Variants in RBFOX1 observed in about 807,000 individuals in gnomAD.
The protein encoded by RBFOX1 is RNA binding fox-1 homolog 1, also known as RNA binding protein fox-1 homolog 1.
In RBFOX1, 8 loss-of-function variants were observed where a neutral mutation model predicts 57.7. The ratio of observed to expected loss-of-function variants is 0.14; its 90% CI spans 0.08 to 0.25. The LOEUF (loss-of-function observed/expected upper bound fraction) is 0.25, where lower values mean the gene tolerates loss of function less well. RBFOX1 is among the 10% of genes least tolerant of loss of function. RBFOX1 has a pLI of 1.00. For missense variants in RBFOX1, 611 were observed against 548.5 expected, an observed-to-expected ratio of 1.11 and a Z score of -1.14; for synonymous variants, 326 against 222.4, an observed-to-expected ratio of 1.47 and a Z score of -4.15.
chr16:6,490,719 G>A (rs997684740), intron 2 of RBFOX1, among the ~76,000 whole-genome samples: 1 of 152,128 alleles, frequency 6.6e-6, no homozygotes, highest in Non-Finnish European at 1.5e-5. Flanking sequence ...CTCAAAAAGG[G>A]CTGTTGAGCT....
At chr16:5,612,127 C>T (rs573158179) in intron 3 of RBFOX1, among the ~76,000 whole-genome samples, 1 of 151,528 alleles carries the variant, frequency 6.6e-6, no homozygotes, top group South Asian at 2.1e-4. Flanking sequence ...ATCTACTCTC[C>T]CATAATTCCT....
At chr16:5,654,925 A>G (rs1199517596) in intron 3 of RBFOX1, among the ~76,000 whole-genome samples, 2 of 151,862 alleles carry the variant, frequency 1.3e-5, no homozygotes, top group South Asian at 2.1e-4. Context: ...TCTCTGTACC[A>G]TTTCAGCATC....
chr16:5,405,765 G>T (rs1173705935), intron 1 of RBFOX1, among the ~76,000 whole-genome samples: 2 of 152,126 alleles, frequency 1.3e-5, no homozygotes, highest in African/African-American at 4.8e-5. Flanking sequence ...CTTTCCCTTG[G>T]CCAGTGATTG....
At chr16:6,225,453 A>T (rs2097409337) in intron 1 of RBFOX1, among the ~76,000 whole-genome samples, 2 of 152,178 alleles carry the variant, frequency 1.3e-5, no homozygotes, top group Non-Finnish European at 2.9e-5. Context: ...ATGTACATTT[A>T]ATACCCGGGA....
intron 3 of RBFOX1, among the ~76,000 whole-genome samples, chr16:5,642,198 C>G (rs542938571): frequency 2.6e-5 from 4 of 152,314 alleles, no homozygotes; most frequent in South Asian, 2.1e-4. Flanking sequence ...GATCCCTTCA[C>G]TGCCCAAGCA....
intron 2 of RBFOX1, among the ~76,000 whole-genome samples, chr16:5,557,596 A>G (rs555604176): frequency 6.6e-6 from 1 of 152,352 alleles, no homozygotes; most frequent in East Asian, 1.9e-4. Flanking sequence ...GGAAGCAGAC[A>G]TGCAAAGTGT....
chr16:6,055,850 A>T (rs2095608437), intron 1 of RBFOX1, among the ~76,000 whole-genome samples: 2 of 152,170 alleles, frequency 1.3e-5, no homozygotes, highest in Middle Eastern at 3.2e-3. Flanking sequence ...CAAGGATGCA[A>T]ATTCCTCAGA....
rs529171046 is a variant in RBFOX1, at chr16:7,427,493, C to G, written c.28-90654C>G. ...TTGCTTAACAACTGTGTGTAGCTCT[C>G]CCAGTGCAGAAGAAAATCCCCAGTC... On this transcript the variant is annotated intron_variant, in intron 4 of 15. Coordinates refer to ENST00000550418, the MANE Select transcript of RBFOX1 (RefSeq NM_018723.4). Among the ~76,000 whole-genome samples, 85 of 152,116 alleles carry G rather than the reference C, an allele frequency of 5.6e-4. No individual in the cohort carries two copies. The South Asian group carries it at 7.7e-3, about 14-fold the overall frequency.
At chr16:6,879,813 C>G in intron 3 of RBFOX1, among the ~76,000 whole-genome samples, 2 of 152,130 alleles carry the variant, frequency 1.3e-5, no homozygotes, top group East Asian at 3.9e-4. Context: ...TTTTGATGTT[C>G]TATTTATGAT....
intron 2 of RBFOX1, among the ~76,000 whole-genome samples, chr16:6,495,326 C>A (rs944239985): frequency 1.3e-5 from 2 of 152,078 alleles, no homozygotes; most frequent in African/African-American, 4.8e-5. Context: ...ACCATGTTTT[C>A]CAGGCTGGTC....
At chr16:7,023,731 C>T (rs145692970) in intron 3 of RBFOX1, among the ~76,000 whole-genome samples, 127 of 152,164 alleles carry the variant, frequency 8.3e-4, no homozygotes, top group African/African-American at 2.9e-3. Context: ...TACACAGAAA[C>T]AGGTATCACT....
chr16:7,216,376 C>A (rs12932841), intron 4 of RBFOX1, among the ~76,000 whole-genome samples: 1 of 152,030 alleles, frequency 6.6e-6, no homozygotes, highest in South Asian at 2.1e-4. Context: ...TACCCTAGAC[C>A]GGGCGCAGTG....
chr16:5,919,595 C>T (rs1179386355), intron 4 of RBFOX1, among the ~76,000 whole-genome samples: 5 of 152,108 alleles, frequency 3.3e-5, no homozygotes, highest in South Asian at 4.2e-4. Flanking sequence ...CCGCATGCCT[C>T]GGCCTCCCAA....
At chr16:6,643,738 A>T (rs1011210351) in intron 2 of RBFOX1, among the ~76,000 whole-genome samples, 10 of 152,078 alleles carry the variant, frequency 6.6e-5, no homozygotes, top group Non-Finnish European at 1.5e-4. Flanking sequence ...ACACTCTAAA[A>T]CTCAGTTTTT....
chr16:5,341,072 G>T (rs1448139611), intron 1 of RBFOX1, among the ~76,000 whole-genome samples: 1 of 152,180 alleles, frequency 6.6e-6, no homozygotes, highest in Non-Finnish European at 1.5e-5. Context: ...ACTAGCCAGT[G>T]CAGCAGCCTT....
At chr16:7,366,778 G>C (rs2097458057) in intron 4 of RBFOX1, among the ~76,000 whole-genome samples, 1 of 151,940 alleles carries the variant, frequency 6.6e-6, no homozygotes. Context: ...ACACATAAAG[G>C]GATTAAAGAT....
At chr16:6,535,071 G>C (rs572946492) in intron 2 of RBFOX1, among the ~76,000 whole-genome samples, 2 of 152,296 alleles carry the variant, frequency 1.3e-5, no homozygotes, top group East Asian at 3.9e-4. Context: ...CAAAAGCCAG[G>C]TTGGGACCAT....
At chr16:7,159,952 C>G (rs1057139105) in intron 4 of RBFOX1, among the ~76,000 whole-genome samples, 1 of 152,134 alleles carries the variant, frequency 6.6e-6, no homozygotes, top group Non-Finnish European at 1.5e-5. Flanking sequence ...CACTAAATAT[C>G]AGAATTCCTT....
At chr16:7,360,263 C>T (rs1334601334) in intron 4 of RBFOX1, among the ~76,000 whole-genome samples, 1 of 152,032 alleles carries the variant, frequency 6.6e-6, no homozygotes, top group Non-Finnish European at 1.5e-5. Flanking sequence ...TCCCAATAGC[C>T]TAGAATTCTT....
Sources: allele counts gnomAD v4.1 joint callset (sites outside exome capture counted in the v4.1 genomes callset), GRCh38; gene constraint gnomAD v4.1.1; transcripts MANE v1.5; gene names NCBI Gene and HGNC (gene_info 2026-07-23, HGNC 2026-07-21).